The following TRIP11 variants were observed in gnomAD, a reference collection of about 807,000 sequenced individuals.
TRIP11 encodes thyroid receptor-interacting protein 11.
A neutral mutation model predicts 223.1 loss-of-function variants in TRIP11; 148 were observed. The observed-to-expected ratio is 0.66, with a 90% CI of 0.58 to 0.76. The LOEUF is 0.76. Ranked by LOEUF, TRIP11 falls within the 30% of genes least tolerant of loss-of-function variation. The probability of loss-of-function intolerance (pLI) is 0.00; values close to 1 mark genes in which losing one functional copy is unlikely to be tolerated. For missense variants in TRIP11, 2,043 were observed against 2,222.0 expected, an observed-to-expected ratio of 0.92 and a Z score of 1.62; for synonymous variants, 762 against 772.6, an observed-to-expected ratio of 0.99 and a Z score of 0.23.
chr14:91,998,679 C>G (rs2056781639), intron 13 of TRIP11, among the ~76,000 whole-genome samples: 1 of 145,340 alleles, frequency 6.9e-6, no homozygotes, highest in African/African-American at 2.5e-5. Flanking sequence ...AAAAATATAA[C>G]CTTTTTACAA....
At position 92,037,161 on chromosome 14, in the gene TRIP11, T is replaced by C. The variant is rs1297508285; in HGVS notation, c.139+2386A>G. On this transcript the variant is annotated intron_variant, in intron 1 of 20. Transcript: ENST00000267622. This position sits in a 1 kb window ranked among gnomAD's most constrained non-coding sequence, Gnocchi z 4.2. ...AATCACGCACTTGTGCCATTTTTAT[T>C]GAGCATCTACTATGTGCCAAAAGGA... is the stretch of plus-strand genomic sequence containing the variant. Among the ~76,000 whole-genome samples, 1 of 152,228 alleles carries C rather than the reference T, an allele frequency of 6.6e-6. No individual in the cohort carries two copies. Among genetic ancestry groups the C allele is most frequent in the African/African-American group, 2.4e-5 (1 of 41,462 alleles).
At position 92,014,516 on chromosome 14, in the gene TRIP11, T is replaced by C; in HGVS notation, c.885A>G (p.Gln295=). The C allele has an allele frequency of 1.3e-6, 2 of 1,599,494 alleles. No individual in the cohort carries two copies. Among genetic ancestry groups the C allele is most frequent in the African/African-American group, 1.3e-5 (1 of 74,090 alleles). Residue 295 remains glutamine (Q), a synonymous_variant, in exon 7 of 21, where the codon CAA becomes CAG. Transcript: ENST00000267622. ...ACTCCACTTTTTCTATTTGTAGAACTTGAATAGTTTTTTGCATCTCATAGA... is the reference window on the plus strand; with the variant it reads ...ACTCCACTTTTTCTATTTGTAGAACCTGAATAGTTTTTTGCATCTCATAGA... ...SKIYEMQKTI[Q]VLQIEKVEST... is the part of the protein sequence containing the mutation.
In TRIP11 at chr14:92,013,145, T is replaced by C. The variant is rs568842312; in HGVS notation, c.1186+1070A>G. 2.8e-3 allele frequency among the ~76,000 whole-genome samples: 428 copies of C among 152,222 alleles called. 4 individuals carry two copies. Among genetic ancestry groups the C allele is most frequent in the African/African-American group, 9.7e-3 (402 of 41,538 alleles). On this transcript the variant is annotated intron_variant, in intron 7 of 20. Coordinates refer to ENST00000267622, the MANE Select transcript of TRIP11 (RefSeq NM_004239.4). Reference sequence around the variant, plus strand: ...AGCTGGGCGTGGTGACACATGCTTGTAGTCCCAGCTACTTGGGAGGCTGAG... The same window carrying C: ...AGCTGGGCGTGGTGACACATGCTTGCAGTCCCAGCTACTTGGGAGGCTGAG...
rs3742719 is a variant in TRIP11, at chr14:91,969,832, C to T, written c.5781G>A (p.Ser1927=). The T allele has an allele frequency of 0.021, 33,826 of 1,614,112 alleles. 719 individuals carry two copies. The highest frequency in any genetic ancestry group is 0.088 in the East Asian group (3,930 of 44,876). ...CTGGGTTAATAAGAGGTACAGCTGC[C>T]GAGCGAGGAGCCAAAAACGGATTTA... ...TDVNPFLAPR[S]AAVPLINPAG... is the part of the protein sequence containing the mutation. Residue 1927 remains serine, a synonymous_variant, in exon 21 of 21, where the codon TCG becomes TCA. Transcript: ENST00000267622.
chr14:92,039,418 G>T, intron 1 of TRIP11, 129 bp downstream of exon 1: 1 of 963,286 alleles, frequency 1.0e-6, no homozygotes, highest in Non-Finnish European at 1.6e-6. Flanking sequence ...GAGGAGGTGT[G>T]TGAAGAAAAA....
intron 9 of TRIP11, among the ~76,000 whole-genome samples, chr14:92,008,838 A>G (rs562582928): frequency 2.0e-4 from 30 of 152,290 alleles, no homozygotes; most frequent in African/African-American, 7.2e-4. Flanking sequence ...GATCAGCCAC[A>G]GCACTCTAAC....
At position 92,006,302 on chromosome 14, in the gene TRIP11, A is replaced by G. The variant is rs1241572553; in HGVS notation, c.1674T>C (p.Asp558=). ...TTTGAATTAGCTTTTCTTTCTGTAC[A>G]TCTAACTCTTTAGTAATGTCCATTT... ...DDKMDITKEL[D]VQKEKLIQSE... The change falls in exon 11 of 21, where the codon GAT becomes GAC. Residue 558 remains aspartate (D), a synonymous_variant. Transcript: ENST00000267622. 1 of 1,610,694 alleles carries G rather than the reference A, an allele frequency of 6.2e-7. No homozygotes were observed.
chr14:91,974,278 G>C (rs1307493590), intron 19 of TRIP11, among the ~76,000 whole-genome samples: 1 of 152,118 alleles, frequency 6.6e-6, no homozygotes, highest in East Asian at 1.9e-4. Context: ...GTATTCACTG[G>C]CTCAACGATT....
At chr14:91,980,780 T>C (rs2056528129) in intron 16 of TRIP11, among the ~76,000 whole-genome samples, 1 of 151,800 alleles carries the variant, frequency 6.6e-6, no homozygotes, top group South Asian at 2.1e-4. Flanking sequence ...CATATATATA[T>C]GTCAATAAAT....
At chr14:91,993,104 T>G (rs1431936736) in intron 15 of TRIP11, among the ~76,000 whole-genome samples, 1 of 151,426 alleles carries the variant, frequency 6.6e-6, no homozygotes, top group Non-Finnish European at 1.5e-5. Context: ...AAAAAAAGAT[T>G]TAATGGGATA....
At position 92,004,644 on chromosome 14, in the gene TRIP11, T is replaced by C; in HGVS notation, c.3332A>G (p.Glu1111Gly). 1 of 1,614,166 alleles carries C rather than the reference T, an allele frequency of 6.2e-7. No individual in the cohort carries two copies. Among genetic ancestry groups the C allele is most frequent in the East Asian group, 2.2e-5 (1 of 44,868 alleles). Reference sequence around the variant, plus strand: ...ATATTCTGTTTTTAGATGGCTATTTTCCCTAGTCTTCTCATTCAAAACAGC... The same window carrying C: ...ATATTCTGTTTTTAGATGGCTATTTCCCCTAGTCTTCTCATTCAAAACAGC... ...VFAVLNEKTRENSHLKTEYHK... is the reference protein window; with the variant it reads ...VFAVLNEKTRGNSHLKTEYHK... The change falls in exon 11 of 21, where the codon GAA (glutamate) becomes GGA (glycine). Residue 1111 changes from glutamate to glycine, a missense_variant. Glu to Gly is a moderately conservative substitution (Grantham distance 98). Coordinates refer to ENST00000267622, the MANE Select transcript of TRIP11 (RefSeq NM_004239.4).
intron 2 of TRIP11, among the ~76,000 whole-genome samples, 171 bp from the exon 3 acceptor site, chr14:92,025,591 T>C (rs557200764): frequency 1.3e-5 from 2 of 151,040 alleles, no homozygotes; most frequent in South Asian, 4.2e-4. Context: ...AAGTTAAAAA[T>C]GCACTGACCA....
chr14:91,996,362 T>A (rs1048981788), intron 13 of TRIP11, among the ~76,000 whole-genome samples: 3 of 152,146 alleles, frequency 2.0e-5, no homozygotes, highest in African/African-American at 7.2e-5. Context: ...AAGAATTAAG[T>A]TAAATAAGAA....
chr14:91,969,383 T>C lies in TRIP11; in HGVS notation c.*290A>G, dbSNP rs189206458. Reference sequence around the variant, plus strand: ...AAATAAAAAGCTGCCATATAGCTACTAGTATTTTTGTCTGTCTGTATTTTT... The same window carrying C: ...AAATAAAAAGCTGCCATATAGCTACCAGTATTTTTGTCTGTCTGTATTTTT... On this transcript the variant is annotated 3_prime_UTR_variant, in exon 21 of 21. Coordinates refer to ENST00000267622, the MANE Select transcript of TRIP11 (RefSeq NM_004239.4). 8.4e-4 allele frequency: 357 copies of C among 425,224 alleles called. 1 individual carries two copies. Among genetic ancestry groups the C allele is most frequent in the Admixed American group, 1.5e-3 (39 of 26,570 alleles). 26.3% of individuals were successfully genotyped at this position (425,224 alleles called of 1,614,324 possible).
intron 16 of TRIP11, among the ~76,000 whole-genome samples, chr14:91,987,176 G>A (rs369345883): frequency 6.6e-6 from 1 of 152,058 alleles, no homozygotes; most frequent in Non-Finnish European, 1.5e-5. Flanking sequence ...CCATTTTCAG[G>A]CCCTCTACTA....
At chr14:92,002,873 G>A (rs148050791) in intron 11 of TRIP11, among the ~76,000 whole-genome samples, 309 of 152,058 alleles carry the variant, frequency 2.0e-3, no homozygotes, top group East Asian at 4.1e-3. Context: ...GAGCCACCGC[G>A]CCCAGCCAGC....
intron 20 of TRIP11, 122 bp downstream of exon 20, chr14:91,972,595 C>T (rs1329430293): frequency 2.0e-6 from 2 of 995,556 alleles, no homozygotes; most frequent in Non-Finnish European, 2.9e-6. Flanking sequence ...TATTGGAATT[C>T]TGGAAGTCCT....
At position 91,978,493 on chromosome 14, in the gene TRIP11, T is replaced by C. The variant is rs969370907; in HGVS notation, c.5261-2304A>G. On this transcript the variant is annotated intron_variant, in intron 16 of 20. Transcript: ENST00000267622. This position sits in a 1 kb window ranked among gnomAD's most constrained non-coding sequence, Gnocchi z 4.4. ...ATAATAATTTGGTTATACTGGGTTA[T>C]ATATAAAATATATATGTGTGTATAT... 2.6e-4 allele frequency among the ~76,000 whole-genome samples: 40 copies of C among 152,296 alleles called. No individual in the cohort carries two copies. The highest frequency in any genetic ancestry group is 8.9e-4 in the African/African-American group (37 of 41,570).
At chr14:92,034,251 C>T (rs528910151) in intron 1 of TRIP11, among the ~76,000 whole-genome samples, 2 of 152,142 alleles carry the variant, frequency 1.3e-5, no homozygotes, top group East Asian at 3.9e-4. Flanking sequence ...GGTAAAACCT[C>T]GTCTCTACTA....
Sources: allele counts gnomAD v4.1 joint callset (sites outside exome capture counted in the v4.1 genomes callset), GRCh38; gene constraint gnomAD v4.1.1; non-coding constraint Gnocchi (gnomAD v3.1); transcripts MANE v1.5; gene names NCBI Gene and HGNC (gene_info 2026-07-23, HGNC 2026-07-21).